The following ARIH1 variants were observed in gnomAD, a reference collection of about 807,000 sequenced individuals.
ARIH1 encodes the protein E3 ubiquitin-protein ligase ARIH1.
Under a neutral mutation model 85.0 loss-of-function variants are expected in ARIH1, and 8 were observed. The ratio of observed to expected loss-of-function variants is 0.09; its 90% CI spans 0.06 to 0.17. The LOEUF (loss-of-function observed/expected upper bound fraction) is 0.17, where lower values mean the gene tolerates loss of function less well. Among genes scored for constraint, ARIH1 ranks in the 10% least tolerant of loss-of-function variants. The pLI is 1.00. For missense variants in ARIH1, 311 were observed against 718.1 expected, an observed-to-expected ratio of 0.43 and a Z score of 6.48; for synonymous variants, 238 against 253.6, an observed-to-expected ratio of 0.94 and a Z score of 0.59.
intron 1 of ARIH1, among the ~76,000 whole-genome samples, chr15:72,517,722 T>C (rs1195664277): frequency 6.6e-6 from 1 of 152,128 alleles, no homozygotes; most frequent in Non-Finnish European, 1.5e-5. Flanking sequence ...CCTGCCTGGC[T>C]GAAATTTTGA....
In ARIH1 at chr15:72,596,944, T is replaced by C. The variant is rs1428758833; in HGVS notation, c.*13652T>C. ...AGTTATTTTATTGGGTTTTTTCTGT[T>C]TTTTCTTTCATTTTTAATCAGTTAT... is the stretch of plus-strand genomic sequence containing the variant. On this transcript the variant is annotated 3_prime_UTR_variant, in exon 14 of 14. Transcript: ENST00000379887. 6.6e-6 allele frequency: 1 copy of C among 152,136 alleles called. No individual in the cohort carries two copies. Among genetic ancestry groups the C allele is most frequent in the Non-Finnish European group, 1.5e-5 (1 of 68,028 alleles). 9.4% of individuals were successfully genotyped at this position (152,136 alleles called of 1,614,324 possible).
At chr15:72,536,455 A>G (rs529717504) in intron 2 of ARIH1, among the ~76,000 whole-genome samples, 1 of 152,244 alleles carries the variant, frequency 6.6e-6, no homozygotes, top group Admixed American at 6.5e-5. Flanking sequence ...TTTAAAACTC[A>G]TGAGAAACAA....
At chr15:72,490,976 T>G (rs1567338069) in intron 1 of ARIH1, among the ~76,000 whole-genome samples, 1 of 151,778 alleles carries the variant, frequency 6.6e-6, no homozygotes, top group African/African-American at 2.4e-5. Flanking sequence ...ATTAGCCCGG[T>G]GTGGTGGTGT....
At chr15:72,560,085 C>A (rs915723539) in intron 5 of ARIH1, among the ~76,000 whole-genome samples, 1 of 151,972 alleles carries the variant, frequency 6.6e-6, no homozygotes, top group African/African-American at 2.4e-5. Flanking sequence ...ATTTTTAGAC[C>A]GCAGGTTCCA....
At chr15:72,527,921 T>A (rs575290851) in intron 2 of ARIH1, among the ~76,000 whole-genome samples, 1 of 152,348 alleles carries the variant, frequency 6.6e-6, no homozygotes, top group South Asian at 2.1e-4. Flanking sequence ...AGCCATTGTT[T>A]ACTAAGTATT....
intron 1 of ARIH1, among the ~76,000 whole-genome samples, chr15:72,500,103 T>C (rs898689261): frequency 2.0e-5 from 3 of 149,922 alleles, no homozygotes; most frequent in African/African-American, 7.3e-5. Context: ...TTTCTCTCTT[T>C]TTTTTTTTTG....
intron 1 of ARIH1, among the ~76,000 whole-genome samples, chr15:72,517,310 T>TGAA (rs2063979473): frequency 6.6e-6 from 1 of 152,204 alleles, no homozygotes; most frequent in African/African-American, 2.4e-5. Context: ...AACTATGTTG[T>TGAA]CCAGGCTTCA....
chr15:72,534,104 A>G (rs1450264916), intron 2 of ARIH1, among the ~76,000 whole-genome samples: 2 of 152,192 alleles, frequency 1.3e-5, no homozygotes, highest in African/African-American at 2.4e-5. Context: ...AACATAGTGA[A>G]AAGAAAAGGA....
At chr15:72,545,600 G>A (rs1197102503) in intron 3 of ARIH1, among the ~76,000 whole-genome samples, 1 of 152,248 alleles carries the variant, frequency 6.6e-6, no homozygotes, top group African/African-American at 2.4e-5. Context: ...GCCAAGGTGG[G>A]CAGATCACTT....
chr15:72,482,813 C>T (rs186237082), intron 1 of ARIH1, among the ~76,000 whole-genome samples: 40 of 149,596 alleles, frequency 2.7e-4, no homozygotes, highest in East Asian at 2.0e-3. Context: ...ACCAAGGTGA[C>T]GGCTTGGTAG....
intron 2 of ARIH1, among the ~76,000 whole-genome samples, chr15:72,525,181 G>C (rs2592052): frequency 1.3e-5 from 2 of 152,188 alleles, no homozygotes; most frequent in African/African-American, 4.8e-5. Flanking sequence ...ATGAGCCACT[G>C]TGCCTGGCCA....
chr15:72,587,227 C>T lies in ARIH1; in HGVS notation c.*3935C>T, dbSNP rs2064320935. 1 of 526,726 alleles carries T rather than the reference C, an allele frequency of 1.9e-6. No individual in the cohort carries two copies. Among genetic ancestry groups the T allele is most frequent in the Non-Finnish European group, 3.9e-6 (1 of 256,158 alleles). 32.6% of individuals were successfully genotyped at this position (526,726 alleles called of 1,614,324 possible). ...TTTCCTTCTACCTGAAACTTAACAT[C>T]ATGCTACCTCTTTGTATCATATTTT... On this transcript the variant is annotated 3_prime_UTR_variant, in exon 14 of 14. Coordinates refer to ENST00000379887, the MANE Select transcript of ARIH1 (RefSeq NM_005744.5).
At chr15:72,476,426 G>A (rs944192688) in intron 1 of ARIH1, among the ~76,000 whole-genome samples, 2 of 152,162 alleles carry the variant, frequency 1.3e-5, no homozygotes, top group African/African-American at 2.4e-5. Context: ...GTGCAATGGC[G>A]CAATCTCTGC....
intron 9 of ARIH1, 24 bp from the exon 10 acceptor site, chr15:72,570,153 C>A: frequency 6.2e-7 from 1 of 1,611,866 alleles, no homozygotes. Context: ...GCATTGACAC[C>A]AACTTTATAG....
In ARIH1 at chr15:72,588,563, AAG is replaced by A. The variant is rs1184599957; in HGVS notation, c.*5275_*5276del. 1.3e-5 allele frequency: 2 copies of A among 152,162 alleles called. No homozygotes were observed. Among genetic ancestry groups the A allele is most frequent in the Admixed American group, 6.5e-5 (1 of 15,270 alleles). 9.4% of individuals were successfully genotyped at this position (152,162 alleles called of 1,614,324 possible). The stretch of plus-strand genomic sequence containing the variant: ...CTAGACTGCCTTCTATAGTTGCAAA[AAG>A]AGAATATAGGCGAGCAACTCCAGAT... On this transcript the variant is annotated 3_prime_UTR_variant, in exon 14 of 14. Transcript: ENST00000379887.
At chr15:72,510,030 C>T (rs1348261854) in intron 1 of ARIH1, among the ~76,000 whole-genome samples, 1 of 152,098 alleles carries the variant, frequency 6.6e-6, no homozygotes, top group African/African-American at 2.4e-5. Flanking sequence ...GATCCTCCTG[C>T]CTCAGCCTCC....
chr15:72,594,125 C>CATTT lies in ARIH1; in HGVS notation c.*10834_*10837dup, dbSNP rs755696157. 1.3e-5 allele frequency: 2 copies of CATTT among 151,436 alleles called. No homozygotes were observed. Among genetic ancestry groups the CATTT allele is most frequent in the Non-Finnish European group, 2.9e-5 (2 of 67,850 alleles). 9.4% of individuals were successfully genotyped at this position (151,436 alleles called of 1,614,324 possible). A position where few individuals can be genotyped will look rare whatever the true frequency, so the allele number is the denominator to read the frequency against. On this transcript the variant is annotated 3_prime_UTR_variant, in exon 14 of 14. Transcript: ENST00000379887. ...ATCTTACATTAGACTTTTTCTTAAG[C>CATTT]ATTTGATTTTTAAAATATTTTTGAT...
At chr15:72,563,686 C>T (rs1479852313) in intron 7 of ARIH1, among the ~76,000 whole-genome samples, 186 bp downstream of exon 7, 1 of 152,024 alleles carries the variant, frequency 6.6e-6, no homozygotes, top group Non-Finnish European at 1.5e-5. Context: ...AAAAATTTTT[C>T]CTCTTTCCTT....
In ARIH1 at chr15:72,474,693, T is replaced by C; in HGVS notation, c.54T>C (p.Ser18=). The part of the protein sequence containing the change: ...NYEFDEDEEC[S]EEDSGAEEEE... ...AGTTCGACGAGGACGAGGAGTGCAG[T>C]GAGGAGGACAGCGGCGCCGAGGAGG... Residue 18 remains serine (S), a synonymous_variant, in exon 1 of 14, where the codon AGT becomes AGC. Transcript: ENST00000379887. 1 of 1,570,942 alleles carries C rather than the reference T, an allele frequency of 6.4e-7. No individual in the cohort carries two copies. Among genetic ancestry groups the C allele is most frequent in the Non-Finnish European group, 8.6e-7 (1 of 1,160,180 alleles).
Sources: allele counts gnomAD v4.1 joint callset (sites outside exome capture counted in the v4.1 genomes callset), GRCh38; gene constraint gnomAD v4.1.1; transcripts MANE v1.5; gene names NCBI Gene and HGNC (gene_info 2026-07-23, HGNC 2026-07-21).